Variants in SLC35F4 observed in about 807,000 individuals in gnomAD.
SLC35F4 encodes solute carrier family 35 member F4.
Under a neutral mutation model 44.2 loss-of-function variants are expected in SLC35F4, and 24 were observed. That is an observed-to-expected ratio of 0.54 (90% confidence interval 0.39 to 0.76). The LOEUF (loss-of-function observed/expected upper bound fraction) is 0.76, where lower values mean the gene tolerates loss of function less well. SLC35F4 is among the 30% of genes least tolerant of loss of function. The probability of loss-of-function intolerance (pLI) is 0.00; values close to 1 mark genes in which losing one functional copy is unlikely to be tolerated. For synonymous variants in SLC35F4, 238 were observed against 223.6 expected (o/e 1.06, Z -0.57); for missense variants, 562 against 586.1 (o/e 0.96, Z 0.42).
At chr14:57,881,269 T>G (rs1286209852) in intron 1 of SLC35F4, among the ~76,000 whole-genome samples, 1 of 152,218 alleles carries the variant, frequency 6.6e-6, no homozygotes, top group South Asian at 2.1e-4. Context: ...TGAACTTATC[T>G]ATTATGAGTT....
At chr14:57,806,423 T>C (rs1881325887) in intron 1 of SLC35F4, among the ~76,000 whole-genome samples, 1 of 152,174 alleles carries the variant, frequency 6.6e-6, no homozygotes, top group Admixed American at 6.5e-5. Context: ...CATGAAAATA[T>C]TGTGTCCCAA....
chr14:57,714,641 A>G (rs1468339134), intron 1 of SLC35F4, among the ~76,000 whole-genome samples: 2 of 152,106 alleles, frequency 1.3e-5, no homozygotes, highest in South Asian at 4.1e-4. Flanking sequence ...GCAAATACCT[A>G]CTGAAAGTCT....
At chr14:57,641,099 G>C (rs141959135) in intron 1 of SLC35F4, among the ~76,000 whole-genome samples, 1 of 151,418 alleles carries the variant, frequency 6.6e-6, no homozygotes, top group Admixed American at 6.6e-5. Flanking sequence ...TTGTTCTATA[G>C]ACAAACACTA....
intron 1 of SLC35F4, among the ~76,000 whole-genome samples, chr14:57,680,256 G>C (rs1046168659): frequency 2.0e-5 from 3 of 152,022 alleles, no homozygotes; most frequent in African/African-American, 7.3e-5. Flanking sequence ...CACATAAACA[G>C]AATCAATGAC....
At chr14:57,587,078 T>A (rs1388981489) in intron 3 of SLC35F4, among the ~76,000 whole-genome samples, 2 of 152,142 alleles carry the variant, frequency 1.3e-5, no homozygotes, top group Admixed American at 1.3e-4. Context: ...TAACATACCA[T>A]CTCAGGCCAG....
intron 1 of SLC35F4, among the ~76,000 whole-genome samples, chr14:57,865,409 C>T (rs1888067202): frequency 6.6e-6 from 1 of 152,186 alleles, no homozygotes; most frequent in Non-Finnish European, 1.5e-5. Context: ...GGGCGTAAAT[C>T]CACCAGGGTG....
At chr14:57,577,708 C>G (rs1957694) in intron 4 of SLC35F4, among the ~76,000 whole-genome samples, 24,686 of 151,664 alleles carry the variant, frequency 0.16, 2,213 homozygotes, top group East Asian at 0.32. Flanking sequence ...CTGGTTCTTA[C>G]GAATTTAAGA....
rs2068412790 is a variant in SLC35F4 at position 57,570,009 on chromosome 14, C to A, written c.934-29G>T. 1.9e-6 allele frequency: 3 copies of A among 1,559,462 alleles called. No individual in the cohort carries two copies. The South Asian group carries it at 3.8e-5, about 20-fold the overall frequency. The stretch of plus-strand genomic sequence containing the variant: ...GAATGAGAAAGAAACTCTACAGCCA[C>A]ACAGAAACTTAGCCAGAGCAGAAAC... On this transcript the variant is annotated intron_variant, in intron 5 of 7. Transcript: ENST00000556826.
At chr14:57,664,222 A>G (rs73305922) in intron 1 of SLC35F4, among the ~76,000 whole-genome samples, 3,956 of 152,250 alleles carry the variant, frequency 0.026, 163 homozygotes, top group African/African-American at 0.089. Flanking sequence ...TTCAGCAACT[A>G]CATTACTTGT....
chr14:57,609,364 G>T (rs886103214), intron 1 of SLC35F4, among the ~76,000 whole-genome samples: 17 of 152,134 alleles, frequency 1.1e-4, no homozygotes, highest in Non-Finnish European at 1.9e-4. Flanking sequence ...CAGGGAAACT[G>T]GTTTGGCATG....
intron 1 of SLC35F4, among the ~76,000 whole-genome samples, chr14:57,961,697 A>G (rs1479960982): frequency 6.6e-6 from 1 of 152,036 alleles, no homozygotes; most frequent in African/African-American, 2.4e-5. Flanking sequence ...CCATGACTTT[A>G]TGTCCAGCCG....
intron 1 of SLC35F4, among the ~76,000 whole-genome samples, chr14:57,639,430 T>C (rs2073139912): frequency 6.6e-6 from 1 of 152,072 alleles, no homozygotes; most frequent in Non-Finnish European, 1.5e-5. Flanking sequence ...TAGTGTTTTC[T>C]GCTTGGGATC....
intron 1 of SLC35F4, among the ~76,000 whole-genome samples, chr14:57,742,432 T>G (rs924456927): frequency 1.3e-5 from 2 of 152,156 alleles, no homozygotes; most frequent in African/African-American, 4.8e-5. Flanking sequence ...TCCTAGTCTC[T>G]GATAAAACAG....
chr14:57,927,493 CTTCT>C (rs1889602250), intron 1 of SLC35F4, among the ~76,000 whole-genome samples: 1 of 146,902 alleles, frequency 6.8e-6, no homozygotes, highest in Non-Finnish European at 1.5e-5. Context: ...TACTTTTCTT[CTTCT>C]TTTTTTTTTT....
At chr14:57,595,871 A>G (rs867701917) in intron 1 of SLC35F4, 1 of 152,174 alleles carries the variant, frequency 6.6e-6, no homozygotes, top group Middle Eastern at 3.4e-3. Context: ...TATTTCTTCT[A>G]TTTCTTTGGA....
intron 1 of SLC35F4, chr14:57,596,603 A>G (rs576924500): frequency 1.4e-5 from 6 of 437,558 alleles, no homozygotes; most frequent in Non-Finnish European, 2.3e-5. Context: ...TCCCTTGGCA[A>G]TTATACATCA....
chr14:57,927,658 T>A (rs1889607596), intron 1 of SLC35F4, among the ~76,000 whole-genome samples: 1 of 151,924 alleles, frequency 6.6e-6, no homozygotes, highest in Admixed American at 6.6e-5. Context: ...ATCCAGCTAA[T>A]TTTTGTGTTT....
chr14:57,951,603 G>A (rs1890140567), intron 1 of SLC35F4, among the ~76,000 whole-genome samples: 2 of 152,238 alleles, frequency 1.3e-5, no homozygotes, highest in South Asian at 4.1e-4. Context: ...GTGTGGGGAG[G>A]GGCATCTTCC....
intron 1 of SLC35F4, among the ~76,000 whole-genome samples, chr14:57,669,605 T>A (rs1014373958): frequency 6.6e-6 from 1 of 152,154 alleles, no homozygotes; most frequent in South Asian, 2.1e-4. Flanking sequence ...GTTTTTGTCA[T>A]TGGTTCTGTT....
Sources: gnomAD v4.1 joint callset for allele counts (sites outside exome capture counted in the v4.1 genomes callset) on GRCh38, gnomAD v4.1.1 for gene constraint, MANE v1.5 for transcripts, NCBI Gene and HGNC (gene_info 2026-07-23, HGNC 2026-07-21) for gene names.